Variants in GPR65 observed in about 807,000 individuals in gnomAD.
The protein encoded by GPR65 is T-cell death-associated gene 8 protein.
In GPR65, 2 loss-of-function variants were observed where a neutral mutation model predicts 0.7. The observed-to-expected ratio is 2.83, with a 90% CI of 1.16 to 8.92. The LOEUF (loss-of-function observed/expected upper bound fraction) is 8.92, where lower values mean the gene tolerates loss of function less well. GPR65 is among the 30% of genes most tolerant of loss of function. The probability of loss-of-function intolerance (pLI) is 0.04; values close to 1 mark genes in which losing one functional copy is unlikely to be tolerated. For synonymous variants in GPR65, 128 were observed against 146.5 expected (o/e 0.87, Z 0.91); for missense variants, 379 against 399.4 (o/e 0.95, Z 0.43).
In GPR65 at chr14:88,011,475, G is replaced by A; in HGVS notation, c.628G>A (p.Val210Met). The stretch of plus-strand genomic sequence containing the variant: ...CTGCAACCGGAAAGTCTACCAAGCT[G>A]TGCGGCACAATAAAGCCACGGAAAA... The part of the protein sequence containing the change: ...LICNRKVYQA[V>M]RHNKATENKE... Residue 210 changes from valine (V) to methionine (M), a missense_variant, in exon 2 of 2, where the codon GTG becomes ATG. Physicochemically the swap from Val to Met is conservative, Grantham distance 21. Coordinates refer to ENST00000267549, the MANE Select transcript of GPR65 (RefSeq NM_003608.4). The A allele has an allele frequency of 6.2e-7, 1 of 1,614,094 alleles. No individual in the cohort carries two copies. Among genetic ancestry groups the A allele is most frequent in the South Asian group, 1.1e-5 (1 of 91,078 alleles).
At chr14:88,008,803 G>T (rs1174244917) in intron 1 of GPR65, among the ~76,000 whole-genome samples, 1 of 152,024 alleles carries the variant, frequency 6.6e-6, no homozygotes, top group Non-Finnish European at 1.5e-5. Context: ...GTTGTGTTGG[G>T]TGTGTAGTGG....
chr14:88,008,817 A>G lies in GPR65; in HGVS notation c.-459-1572A>G, dbSNP rs1887634001. ...TGTTGTGTTGGGTGTGTAGTGGTAT[A>G]TCATTTTAATTTTAGCTTGAATTCC... On this transcript the variant is annotated intron_variant, in intron 1 of 1. Transcript: ENST00000267549. 2.0e-5 allele frequency among the ~76,000 whole-genome samples: 3 copies of G among 152,104 alleles called. No individual in the cohort carries two copies. The South Asian group carries it at 6.2e-4, about 32-fold the overall frequency.
Position 88,012,035 on chromosome 14 carries a change from G to A in GPR65, c.*174G>A, listed in dbSNP as rs913842666. ...CTGCATTGTACAGCTCCCTCCCTGC[G>A]TTTTATTAAATGATGTATATTAAAC... is the stretch of plus-strand genomic sequence containing the variant. On this transcript the variant is annotated 3_prime_UTR_variant, in exon 2 of 2. Coordinates refer to ENST00000267549, the MANE Select transcript of GPR65 (RefSeq NM_003608.4). The A allele has an allele frequency of 1.8e-5, 9 of 511,062 alleles. No homozygotes were observed. Among genetic ancestry groups the A allele is most frequent in the Admixed American group, 1.5e-4 (4 of 27,382 alleles). 31.7% of individuals were successfully genotyped at this position (511,062 alleles called of 1,614,324 possible).
intron 1 of GPR65, among the ~76,000 whole-genome samples, chr14:88,007,784 C>CTCTGTGTG (rs1555385214): frequency 9.6e-5 from 11 of 114,028 alleles, no homozygotes; most frequent in African/African-American, 4.0e-4. Context: ...ATTATTCTCT[C>CTCTGTGTG]TGTGTGTATG....
chr14:88,008,409 T>A (rs887433079), intron 1 of GPR65, among the ~76,000 whole-genome samples: 5 of 152,174 alleles, frequency 3.3e-5, no homozygotes, highest in African/African-American at 1.2e-4. Context: ...TAATACATAC[T>A]CTTTTGTGTC....
chr14:88,012,890 G>T lies in GPR65; in HGVS notation c.*1029G>T, dbSNP rs1431084457. The T allele has an allele frequency of 6.6e-6, 1 of 152,122 alleles. No homozygotes were observed. Among genetic ancestry groups the T allele is most frequent in the Admixed American group, 6.6e-5 (1 of 15,264 alleles). 9.4% of individuals were successfully genotyped at this position (152,122 alleles called of 1,614,324 possible). ...GAGCTTGAAAGATTTCTATATAAAG[G>T]AAAAGGAAATAGGCTCTGAGTTTTA... On this transcript the variant is annotated 3_prime_UTR_variant, in exon 2 of 2. Coordinates refer to ENST00000267549, the MANE Select transcript of GPR65 (RefSeq NM_003608.4).
At chr14:88,009,969 C>T (rs1288451852) in intron 1 of GPR65, among the ~76,000 whole-genome samples, 9 of 152,092 alleles carry the variant, frequency 5.9e-5, no homozygotes, top group Non-Finnish European at 1.0e-4. Flanking sequence ...TTTGAAAGTG[C>T]CGTACACCTA....
intron 1 of GPR65, among the ~76,000 whole-genome samples, chr14:88,008,261 C>T (rs1450539811): frequency 1.3e-5 from 2 of 152,240 alleles, no homozygotes; most frequent in South Asian, 4.1e-4. Flanking sequence ...ACCAGCCACC[C>T]CTACCAAGAG....
Position 88,013,064 on chromosome 14 carries a change from T to TTTG in GPR65, c.*1203_*1204insTTG, listed in dbSNP as rs1887713247. On this transcript the variant is annotated 3_prime_UTR_variant, in exon 2 of 2. Coordinates refer to ENST00000267549, the MANE Select transcript of GPR65 (RefSeq NM_003608.4). Reference sequence around the variant, plus strand: ...TGAGAGTTCTTTTTTTTTTTTTTTTTGAGTCAGAGTCTTGCTCTGTAATCC... The same window carrying TTTG: ...TGAGAGTTCTTTTTTTTTTTTTTTTTTTGGAGTCAGAGTCTTGCTCTGTAATCC... 7.6e-6 allele frequency: 1 copy of TTTG among 132,108 alleles called. No homozygotes were observed. The highest frequency in any genetic ancestry group is 7.7e-5 in the Admixed American group (1 of 13,018). 8.2% of individuals were successfully genotyped at this position (132,108 alleles called of 1,614,324 possible).
chr14:88,007,100 G>C (rs1887605613), intron 1 of GPR65, among the ~76,000 whole-genome samples: 1 of 152,132 alleles, frequency 6.6e-6, no homozygotes, highest in East Asian at 1.9e-4. Flanking sequence ...TTCATAGGTA[G>C]TCCATCTTTC....
intron 1 of GPR65, among the ~76,000 whole-genome samples, chr14:88,007,324 T>C (rs940025411): frequency 2.0e-5 from 3 of 152,108 alleles, no homozygotes; most frequent in Admixed American, 2.0e-4. Flanking sequence ...TCTTTGTGAA[T>C]ATTGCCTTTT....
In GPR65 at chr14:88,013,550, C is replaced by T. The variant is rs1887720726; in HGVS notation, c.*1689C>T. 1 of 152,146 alleles carries T rather than the reference C, an allele frequency of 6.6e-6. No homozygotes were observed. The highest frequency in any genetic ancestry group is 6.5e-5 in the Admixed American group (1 of 15,270). 9.4% of individuals were successfully genotyped at this position (152,146 alleles called of 1,614,324 possible). On this transcript the variant is annotated 3_prime_UTR_variant, in exon 2 of 2. Coordinates refer to ENST00000267549, the MANE Select transcript of GPR65 (RefSeq NM_003608.4). ...GATCAGATAGCAAATGTCTTGATAA[C>T]ATGAGGTGCCCTCACATTAAAAAAC...
At position 88,011,882 on chromosome 14, in the gene GPR65, G is replaced by C; in HGVS notation, c.*21G>C. On this transcript the variant is annotated 3_prime_UTR_variant, in exon 2 of 2. Transcript: ENST00000267549. ...AGTAGAACCAAGGATGTTTTGAAGG[G>C]AAGGGAAGTTTAAGTTATGCATTAT... The C allele has an allele frequency of 6.7e-7, 1 of 1,502,602 alleles. No individual in the cohort carries two copies. Among genetic ancestry groups the C allele is most frequent in the Non-Finnish European group, 8.9e-7 (1 of 1,119,708 alleles). The allele number at this position is 1,502,602 out of a possible 1,614,324, so 93.1% of individuals were successfully genotyped here.
rs1477908740 is a variant in GPR65 at position 88,011,193 on chromosome 14, G to A, written c.346G>A (p.Val116Ile). Residue 116 changes from valine (V) to isoleucine (I), a missense_variant, in exon 2 of 2, where the codon GTT becomes ATT. Val to Ile is a conservative substitution (Grantham distance 29, BLOSUM62 3). Coordinates refer to ENST00000267549, the MANE Select transcript of GPR65 (RefSeq NM_003608.4). ...CATTGCCGTTGATCGGTATTTGGCT[G>A]TTGTCTACCCTTTGAAGTTTTTTTT... ...TCIAVDRYLA[V>I]VYPLKFFFLR... 1.2e-6 allele frequency: 2 copies of A among 1,613,712 alleles called. No individual in the cohort carries two copies. Among genetic ancestry groups the A allele is most frequent in the South Asian group, 2.2e-5 (2 of 91,076 alleles).
chr14:88,011,799 C>T lies in GPR65; in HGVS notation c.952C>T (p.Gln318Ter). The stretch of plus-strand genomic sequence containing the variant: ...TGGGAGGTGTAATACATCACAAAGA[C>T]AAAGAAAACGCATACTTTCTGTGTC... ...CTGRCNTSQR[Q>*]RKRILSVSTK... The change falls in exon 2 of 2, where the codon CAA (glutamine) becomes TAA (stop). Residue 318 changes from glutamine (Q) to a stop codon, truncating the protein, a stop_gained. Transcript: ENST00000267549. LOFTEE classifies it high-confidence loss of function. 1 of 1,602,684 alleles carries T rather than the reference C, an allele frequency of 6.2e-7. No homozygotes were observed. Among genetic ancestry groups the T allele is most frequent in the Non-Finnish European group, 8.5e-7 (1 of 1,173,292 alleles).
At chr14:88,009,728 T>C (rs1887645788) in intron 1 of GPR65, among the ~76,000 whole-genome samples, 1 of 152,110 alleles carries the variant, frequency 6.6e-6, no homozygotes, top group African/African-American at 2.4e-5. Context: ...CCATCAGATA[T>C]AAAGGTGGAA....
Position 88,010,997 on chromosome 14 carries a change from A to G in GPR65, c.150A>G (p.Gly50=). ...AAGCAAAGAAGGAAAGTGAACTAGG[A>G]ATTTACCTCTTCAGTTTGTCACTAT... The part of the protein sequence containing the change: ...FLQAKKESEL[G]IYLFSLSLSD... Residue 50 remains glycine (G), a synonymous_variant, in exon 2 of 2, where the codon GGA becomes GGG. Transcript: ENST00000267549. The G allele has an allele frequency of 1.2e-6, 2 of 1,613,668 alleles. No individual in the cohort carries two copies. The highest frequency in any genetic ancestry group is 1.1e-5 in the South Asian group (1 of 91,064).
At chr14:88,008,242 G>T (rs1391919118) in intron 1 of GPR65, among the ~76,000 whole-genome samples, 1 of 152,106 alleles carries the variant, frequency 6.6e-6, no homozygotes, top group African/African-American at 2.4e-5. Context: ...AACTGAGCAT[G>T]CTCATGGAAC....
intron 1 of GPR65, among the ~76,000 whole-genome samples, chr14:88,008,998 A>C (rs1207791741): frequency 6.6e-6 from 1 of 152,152 alleles, no homozygotes; most frequent in African/African-American, 2.4e-5. Flanking sequence ...GAAACCAAGC[A>C]GAGGCAGGGA....
Sources: gnomAD v4.1 joint callset for allele counts (sites outside exome capture counted in the v4.1 genomes callset) on GRCh38, gnomAD v4.1.1 for gene constraint, MANE v1.5 for transcripts, NCBI Gene and HGNC (gene_info 2026-07-23, HGNC 2026-07-21) for gene names.